RGS7: variants seen among roughly 807,000 people sequenced by gnomAD.
The protein encoded by RGS7 is regulator of G protein signaling 7.
Under a neutral mutation model 81.1 loss-of-function variants are expected in RGS7, and 27 were observed. That is an observed-to-expected ratio of 0.33 (90% confidence interval 0.25 to 0.46). The LOEUF (loss-of-function observed/expected upper bound fraction) is 0.46. Among genes scored for constraint, RGS7 ranks in the 20% least tolerant of loss-of-function variants. The pLI, the probability that RGS7 is intolerant of heterozygous loss-of-function variation, is 1.00. For missense variants in RGS7, 396 were observed against 607.4 expected (o/e 0.65, Z 3.66); for synonymous variants, 208 against 207.7 (o/e 1.00, Z -0.01).
At chr1:241,033,707 C>T (rs557925) in intron 3 of RGS7, among the ~76,000 whole-genome samples, 63,100 of 151,828 alleles carry the variant, frequency 0.42, 13,452 homozygotes, top group African/African-American at 0.48. Context: ...GTTAACAACT[C>T]TATGACGGTT....
intron 2 of RGS7, among the ~76,000 whole-genome samples, chr1:241,172,705 T>C (rs2070822324): frequency 6.6e-6 from 1 of 152,218 alleles, no homozygotes; most frequent in Non-Finnish European, 1.5e-5. Context: ...TGTTGCCATC[T>C]TTAACCCTTG....
chr1:241,223,052 T>C (rs2075108000), intron 2 of RGS7, among the ~76,000 whole-genome samples: 1 of 152,178 alleles, frequency 6.6e-6, no homozygotes, highest in Non-Finnish European at 1.5e-5. Flanking sequence ...ATTTTCTTTA[T>C]CCAGTCTATT....
intron 2 of RGS7, among the ~76,000 whole-genome samples, chr1:241,309,386 C>CAAAAAAAA (rs71571833): frequency 3.5e-5 from 3 of 85,186 alleles, no homozygotes; most frequent in African/African-American, 4.6e-5. Flanking sequence ...AACTCCAACT[C>CAAAAAAAA]AAAAAAAAAA....
intron 6 of RGS7, among the ~76,000 whole-genome samples, chr1:240,915,443 A>G (rs532648200): frequency 8.4e-4 from 128 of 152,294 alleles, no homozygotes; most frequent in African/African-American, 3.0e-3. Flanking sequence ...CTCCTGTATA[A>G]TAACAGATGA....
intron 2 of RGS7, among the ~76,000 whole-genome samples, chr1:241,197,724 A>C (rs1002985953): frequency 6.6e-6 from 1 of 151,856 alleles, no homozygotes; most frequent in African/African-American, 2.4e-5. Flanking sequence ...TATTAGAAGT[A>C]AAAGGAGATA....
chr1:241,274,129 G>T (rs2078066926), intron 2 of RGS7, among the ~76,000 whole-genome samples: 1 of 152,208 alleles, frequency 6.6e-6, no homozygotes, highest in African/African-American at 2.4e-5. Context: ...CAATGCTGTA[G>T]AGTGTCTGGC....
chr1:241,050,266 A>C (rs2061177544), intron 3 of RGS7, among the ~76,000 whole-genome samples: 1 of 152,018 alleles, frequency 6.6e-6, no homozygotes. Context: ...GGTGGCTATT[A>C]GTGGGGATGG....
chr1:240,957,531 C>A (rs759032934), intron 4 of RGS7, among the ~76,000 whole-genome samples: 1 of 152,176 alleles, frequency 6.6e-6, no homozygotes, highest in East Asian at 1.9e-4. Context: ...CTCTAGAGAA[C>A]CCTGGCTAAT....
chr1:240,831,896 C>T lies in RGS7; in HGVS notation c.610-4724G>A, dbSNP rs139597520. 7.3e-3 allele frequency among the ~76,000 whole-genome samples: 1,116 copies of T among 152,276 alleles called. 13 individuals are homozygous for T. The highest frequency in any genetic ancestry group is 0.024 in the African/African-American group (1,013 of 41,540). The stretch of plus-strand genomic sequence containing the variant: ...AGGTGATCCACCCGCCTTGGCCTCC[C>T]GAAGTGCTGGAATTACAGGCATGAG... On this transcript the variant is annotated intron_variant, in intron 9 of 18. Transcript: ENST00000440928.
chr1:240,804,905 T>C, intron 15 of RGS7, among the ~76,000 whole-genome samples: 1 of 152,214 alleles, frequency 6.6e-6, no homozygotes, highest in East Asian at 1.9e-4. Context: ...AGAAATATAT[T>C]TTCTATAGAG....
At chr1:241,009,173 G>A (rs2058834516) in intron 3 of RGS7, among the ~76,000 whole-genome samples, 1 of 152,120 alleles carries the variant, frequency 6.6e-6, no homozygotes, top group African/African-American at 2.4e-5. Flanking sequence ...CACACAGTCT[G>A]AAACATTAAA....
At chr1:241,344,282 CA>C (rs1160757451) in intron 2 of RGS7, among the ~76,000 whole-genome samples, 4 of 152,174 alleles carry the variant, frequency 2.6e-5, no homozygotes, top group African/African-American at 7.2e-5. Flanking sequence ...CCATATACAA[CA>C]GTTTTAAACA....
chr1:240,972,144 T>C (rs893858354), intron 4 of RGS7, among the ~76,000 whole-genome samples: 2 of 152,192 alleles, frequency 1.3e-5, no homozygotes, highest in African/African-American at 2.4e-5. Flanking sequence ...TTATGTAATG[T>C]ACCTTTGGGT....
intron 18 of RGS7, among the ~76,000 whole-genome samples, chr1:240,780,870 C>T (rs1315302110): frequency 6.9e-6 from 1 of 145,716 alleles, no homozygotes; most frequent in Non-Finnish European, 1.5e-5. Context: ...GTCGAGATCG[C>T]ACCACTGCAC....
intron 2 of RGS7, among the ~76,000 whole-genome samples, chr1:241,152,084 A>T (rs1216116385): frequency 1.3e-5 from 2 of 151,684 alleles, no homozygotes; most frequent in East Asian, 3.9e-4. Context: ...GCTTCCAATG[A>T]GTGAAAATGA....
At chr1:241,179,255 C>A (rs537707996) in intron 2 of RGS7, among the ~76,000 whole-genome samples, 1 of 152,132 alleles carries the variant, frequency 6.6e-6, no homozygotes, top group South Asian at 2.1e-4. Flanking sequence ...CCACCATGCC[C>A]AGCTAATTTT....
chr1:240,822,393 G>T (rs762789898), intron 10 of RGS7, among the ~76,000 whole-genome samples: 10 of 152,204 alleles, frequency 6.6e-5, no homozygotes, highest in Non-Finnish European at 1.0e-4. Flanking sequence ...AAGCAGCTCT[G>T]TACGAAAATG....
intron 4 of RGS7, among the ~76,000 whole-genome samples, chr1:240,941,610 T>C (rs896430784): frequency 2.6e-5 from 4 of 152,082 alleles, no homozygotes; most frequent in South Asian, 4.1e-4. Flanking sequence ...GGGGCTATTG[T>C]AGCTATTTTG....
At chr1:241,021,491 A>C (rs1388601674) in intron 3 of RGS7, among the ~76,000 whole-genome samples, 1 of 152,224 alleles carries the variant, frequency 6.6e-6, no homozygotes, top group East Asian at 1.9e-4. Flanking sequence ...CGATTGGTGC[A>C]CAGCTATGGG....
Sources: allele counts gnomAD v4.1 joint callset (sites outside exome capture counted in the v4.1 genomes callset), GRCh38; gene constraint gnomAD v4.1.1; transcripts MANE v1.5; gene names NCBI Gene and HGNC (gene_info 2026-07-23, HGNC 2026-07-21).